PPIL6: variants seen among roughly 807,000 people sequenced by gnomAD.
The protein encoded by PPIL6 is peptidylprolyl isomerase like 6.
In PPIL6, 39 loss-of-function variants were observed where a neutral mutation model predicts 36.8. That is an observed-to-expected ratio of 1.06 (90% confidence interval 0.82 to 1.38). The LOEUF is 1.38. Ranked by LOEUF, PPIL6 falls within the 40% of genes most tolerant of loss-of-function variation. PPIL6 has a pLI of 0.00. For missense variants in PPIL6, 368 were observed against 379.1 expected, an observed-to-expected ratio of 0.97 and a Z score of 0.24; for synonymous variants, 123 against 134.1, an observed-to-expected ratio of 0.92 and a Z score of 0.57.
chr6:109,426,493 CACTCTTAGCAT>C (rs199751355), intron 5 of PPIL6, among the ~76,000 whole-genome samples: 1,981 of 152,230 alleles, frequency 0.013, 37 homozygotes, highest in African/African-American at 0.046. Flanking sequence ...TTCAAATTCC[CACTCTTAGCAT>C]ACTTATTAAA....
At chr6:109,420,755 T>C (rs185576000) in intron 5 of PPIL6, among the ~76,000 whole-genome samples, 15 of 152,356 alleles carry the variant, frequency 9.8e-5, no homozygotes, top group Admixed American at 8.5e-4. Context: ...AAAGTCAGTA[T>C]GAGCAATTTA....
intron 3 of PPIL6, among the ~76,000 whole-genome samples, chr6:109,427,620 C>G (rs1185266753): frequency 6.6e-6 from 1 of 152,142 alleles, no homozygotes; most frequent in African/African-American, 2.4e-5. Context: ...CTCCTGAGCT[C>G]AAGGGATCGC....
chr6:109,397,545 T>C (rs1437716684), intron 7 of PPIL6, among the ~76,000 whole-genome samples: 2 of 152,156 alleles, frequency 1.3e-5, no homozygotes, highest in African/African-American at 4.8e-5. Context: ...TCGCTCTTTT[T>C]CCCCAGCACT....
intron 7 of PPIL6, among the ~76,000 whole-genome samples, chr6:109,396,111 C>G (rs1273693814): frequency 1.3e-5 from 2 of 152,110 alleles, no homozygotes; most frequent in African/African-American, 4.8e-5. Context: ...CTTCTCTACT[C>G]TAACTTCTCA....
At chr6:109,402,762 G>A (rs1772612990) in intron 6 of PPIL6, among the ~76,000 whole-genome samples, 1 of 152,132 alleles carries the variant, frequency 6.6e-6, no homozygotes, top group South Asian at 2.1e-4. Flanking sequence ...AGTCCAGAAT[G>A]TGTATGTGAA....
At chr6:109,398,186 A>T (rs1038310511) in intron 7 of PPIL6, among the ~76,000 whole-genome samples, 1 of 152,218 alleles carries the variant, frequency 6.6e-6, no homozygotes, top group Admixed American at 6.5e-5. Context: ...CACCGCGTCC[A>T]GCCTTAAAAC....
intron 1 of PPIL6, chr6:109,440,066 T>G: frequency 3.8e-6 from 1 of 264,326 alleles, no homozygotes; most frequent in Non-Finnish European, 7.6e-6. Context: ...GTTGTAAAAA[T>G]TAGCTAGTTA....
intron 6 of PPIL6, among the ~76,000 whole-genome samples, chr6:109,414,951 A>G (rs932125887): frequency 3.3e-5 from 5 of 152,216 alleles, no homozygotes; most frequent in African/African-American, 1.2e-4. Context: ...TAAGCTAGAG[A>G]AAATAAAATG....
At chr6:109,405,197 T>C (rs1284720161) in intron 6 of PPIL6, 2 of 223,244 alleles carry the variant, frequency 9.0e-6, no homozygotes, top group African/African-American at 4.8e-5. Flanking sequence ...AAAGAAACTT[T>C]GCTGGCTTCT....
intron 6 of PPIL6, among the ~76,000 whole-genome samples, chr6:109,409,948 C>T (rs1297425142): frequency 6.6e-6 from 1 of 152,164 alleles, no homozygotes; most frequent in Non-Finnish European, 1.5e-5. Flanking sequence ...CTATCCAAAG[C>T]AATCTAGAGT....
In PPIL6 at chr6:109,426,903, T is replaced by C. The variant is rs772283133; in HGVS notation, c.575A>G (p.His192Arg). 2.5e-6 allele frequency: 4 copies of C among 1,605,972 alleles called. No individual in the cohort carries two copies. The African/African-American group carries it at 5.3e-5, about 21-fold the overall frequency. ...AGFSQRGIRL[H>R]YKNSIFHRIV... ...TCGATGAAAAATGGAATTTTTGTAA[T>C]GTAGTCTTATGCCACGTTGAGAAAA... is the stretch of plus-strand genomic sequence containing the variant. Residue 192 changes from histidine (H) to arginine (R), a missense_variant, in exon 5 of 8, where the codon CAT (histidine) becomes CGT (arginine). By Grantham distance (29) the His-to-Arg change is conservative (BLOSUM62 0). Transcript: ENST00000521072.
At chr6:109,438,124 T>C (rs1211411295) in intron 1 of PPIL6, among the ~76,000 whole-genome samples, 1 of 152,164 alleles carries the variant, frequency 6.6e-6, no homozygotes, top group Non-Finnish European at 1.5e-5. Flanking sequence ...TCAATACATA[T>C]AATGTATACT....
chr6:109,433,786 G>A (rs1279662876), intron 2 of PPIL6, among the ~76,000 whole-genome samples: 1 of 152,162 alleles, frequency 6.6e-6, no homozygotes, highest in Admixed American at 6.5e-5. Flanking sequence ...AAAGGTTAAG[G>A]TAACAAACAG....
In PPIL6 at chr6:109,390,998, C is replaced by A. The variant is rs1772074926; in HGVS notation, c.*1828G>T. ...CTCATTCTGCTTAGGGTAAGAAAAG[C>A]ACTCTCAGCCGGGTGCGGTGGCTCA... On this transcript the variant is annotated 3_prime_UTR_variant, in exon 8 of 8. Transcript: ENST00000521072. 6.6e-6 allele frequency: 1 copy of A among 152,090 alleles called. No individual in the cohort carries two copies. Among genetic ancestry groups the A allele is most frequent in the African/African-American group, 2.4e-5 (1 of 41,422 alleles). 9.4% of individuals were successfully genotyped at this position (152,090 alleles called of 1,614,324 possible).
At chr6:109,436,390 G>C (rs1774448920) in intron 1 of PPIL6, among the ~76,000 whole-genome samples, 191 bp from the exon 2 acceptor site, 2 of 152,096 alleles carry the variant, frequency 1.3e-5, no homozygotes, top group African/African-American at 4.8e-5. Context: ...CCAGTCCAGG[G>C]AGCTTATTTG....
chr6:109,420,791 T>C (rs1354090714), intron 5 of PPIL6, among the ~76,000 whole-genome samples: 1 of 152,224 alleles, frequency 6.6e-6, no homozygotes, highest in African/African-American at 2.4e-5. Flanking sequence ...TGTGTGCTAT[T>C]TTTCAAAGAA....
chr6:109,407,647 T>C (rs1280757900), intron 6 of PPIL6, among the ~76,000 whole-genome samples: 1 of 152,238 alleles, frequency 6.6e-6, no homozygotes, highest in Non-Finnish European at 1.5e-5. Flanking sequence ...TTATATTCCA[T>C]AATTACTCAA....
intron 2 of PPIL6, among the ~76,000 whole-genome samples, chr6:109,433,440 T>C (rs1774273004): frequency 6.6e-6 from 1 of 152,186 alleles, no homozygotes; most frequent in African/African-American, 2.4e-5. Context: ...CAGTAGAAGG[T>C]ATGTTTTATT....
chr6:109,394,491 G>C (rs1380549786), intron 7 of PPIL6, among the ~76,000 whole-genome samples: 1 of 151,626 alleles, frequency 6.6e-6, no homozygotes, highest in East Asian at 1.9e-4. Flanking sequence ...AATTAAAAAA[G>C]GGCAGAGAGA....
Sources: allele counts gnomAD v4.1 joint callset (sites outside exome capture counted in the v4.1 genomes callset), GRCh38; gene constraint gnomAD v4.1.1; transcripts MANE v1.5; gene names NCBI Gene and HGNC (gene_info 2026-07-23, HGNC 2026-07-21).